Variants in AGBL4 observed in about 807,000 individuals in gnomAD.
The protein encoded by AGBL4 is AGBL carboxypeptidase 4.
Under a neutral mutation model 66.4 loss-of-function variants are expected in AGBL4, and 58 were observed. The observed-to-expected ratio is 0.87, with a 90% CI of 0.71 to 1.09. The LOEUF (loss-of-function observed/expected upper bound fraction) is 1.09. Among genes scored for constraint, AGBL4 ranks in the 50% least tolerant of loss-of-function variants. The pLI is 0.00. For synonymous variants in AGBL4, 234 were observed against 222.9 expected, an observed-to-expected ratio of 1.05 and a Z score of -0.44; for missense variants, 579 against 631.0, an observed-to-expected ratio of 0.92 and a Z score of 0.88.
At chr1:49,660,814 A>AGCTG (rs1281731707) in intron 3 of AGBL4, among the ~76,000 whole-genome samples, 2 of 152,154 alleles carry the variant, frequency 1.3e-5, no homozygotes, top group Non-Finnish European at 2.9e-5. Flanking sequence ...ACATGGATGG[A>AGCTG]GCTGGAAGCT....
intron 3 of AGBL4, among the ~76,000 whole-genome samples, chr1:49,473,124 T>A (rs561729075): frequency 1.1e-4 from 17 of 152,092 alleles, no homozygotes; most frequent in Non-Finnish European, 2.1e-4. Context: ...TGCAAATGCA[T>A]GTATTTTTTG....
intron 3 of AGBL4, among the ~76,000 whole-genome samples, chr1:49,654,043 C>A (rs146347399): frequency 1.3e-4 from 19 of 151,994 alleles, no homozygotes; most frequent in African/African-American, 7.2e-5. Flanking sequence ...AAGATCGAAA[C>A]GAAAGAAAAC....
chr1:48,682,276 A>C (rs1646467181), intron 6 of AGBL4, among the ~76,000 whole-genome samples: 1 of 152,236 alleles, frequency 6.6e-6, no homozygotes. Flanking sequence ...AGTCATACAG[A>C]GGGCCAGGGA....
chr1:49,098,455 A>G (rs887987739), intron 4 of AGBL4, among the ~76,000 whole-genome samples: 1 of 152,226 alleles, frequency 6.6e-6, no homozygotes, highest in African/African-American at 2.4e-5. Context: ...ATATGAGAAG[A>G]GATGTGATCT....
rs898593669 is a variant in AGBL4 at position 49,831,092 on chromosome 1, C to CT, written c.157+20303dup. ...CTTGGGATTGTCTTGGCTATGCAGA[C>CT]TTTTTTTTGGTTCCAAATGAAATTT... On this transcript the variant is annotated intron_variant, in intron 2 of 13. Coordinates refer to ENST00000371839, the MANE Select transcript of AGBL4 (RefSeq NM_032785.4). Among the ~76,000 whole-genome samples, 4 of 152,052 alleles carry CT rather than the reference C, an allele frequency of 2.6e-5. No individual in the cohort carries two copies. In the East Asian group the frequency reaches 5.8e-4, roughly 22 times the overall value.
At chr1:49,741,545 T>C (rs1004072131) in intron 2 of AGBL4, among the ~76,000 whole-genome samples, 1 of 152,138 alleles carries the variant, frequency 6.6e-6, no homozygotes, top group Non-Finnish European at 1.5e-5. Context: ...CCCTAACTCA[T>C]ATGATGAGGC....
At chr1:49,752,084 C>G (rs1319146379) in intron 2 of AGBL4, among the ~76,000 whole-genome samples, 1 of 151,884 alleles carries the variant, frequency 6.6e-6, no homozygotes, top group Admixed American at 6.6e-5. Context: ...TTCAGTTCTG[C>G]TCTGATCTCA....
intron 2 of AGBL4, among the ~76,000 whole-genome samples, chr1:49,826,288 T>C (rs1645508886): frequency 6.6e-6 from 1 of 152,182 alleles, no homozygotes; most frequent in African/African-American, 2.4e-5. Flanking sequence ...GTATGAGCAT[T>C]TGCTTCTAAA....
intron 1 of AGBL4, among the ~76,000 whole-genome samples, chr1:49,938,105 T>C (rs1177886055): frequency 6.7e-6 from 1 of 149,426 alleles, no homozygotes; most frequent in Non-Finnish European, 1.5e-5. Flanking sequence ...CTAGCAAGAC[T>C]AATAAAGAAG....
At chr1:49,624,366 A>C (rs977090079) in intron 3 of AGBL4, among the ~76,000 whole-genome samples, 19 of 152,200 alleles carry the variant, frequency 1.2e-4, no homozygotes, top group Admixed American at 3.3e-4. Flanking sequence ...GGATCTTAAG[A>C]AGCAAACTAA....
At chr1:48,856,489 G>A (rs577691958) in intron 6 of AGBL4, among the ~76,000 whole-genome samples, 12 of 152,114 alleles carry the variant, frequency 7.9e-5, no homozygotes, top group South Asian at 4.2e-4. Context: ...ACAGCCCCTC[G>A]GCTGTTAGAC....
chr1:49,603,575 C>T (rs993234202), intron 3 of AGBL4, among the ~76,000 whole-genome samples: 3 of 139,898 alleles, frequency 2.1e-5, no homozygotes, highest in Middle Eastern at 3.6e-3. Context: ...AATAAATAAA[C>T]AAATAAATAG....
chr1:49,850,844 T>C (rs1386526057), intron 2 of AGBL4, among the ~76,000 whole-genome samples: 4 of 152,116 alleles, frequency 2.6e-5, no homozygotes, highest in Non-Finnish European at 4.4e-5. Flanking sequence ...GCTCAGAACA[T>C]CAAGGGCTAA....
intron 6 of AGBL4, among the ~76,000 whole-genome samples, chr1:48,839,668 T>A (rs1216157997): frequency 6.6e-6 from 1 of 151,924 alleles, no homozygotes; most frequent in African/African-American, 2.4e-5. Context: ...TTGAAGGAAA[T>A]TTTTTTTAAC....
intron 4 of AGBL4, among the ~76,000 whole-genome samples, chr1:49,072,452 C>A (rs909098105): frequency 7.9e-5 from 12 of 152,174 alleles, no homozygotes; most frequent in Non-Finnish European, 1.6e-4. Flanking sequence ...GACAAAATCT[C>A]TCAGCATTTG....
At chr1:49,934,899 G>A (rs907342231) in intron 1 of AGBL4, among the ~76,000 whole-genome samples, 2 of 152,010 alleles carry the variant, frequency 1.3e-5, no homozygotes, top group Admixed American at 6.6e-5. Context: ...CTCCCAACGT[G>A]AGCGATACAG....
intron 1 of AGBL4, among the ~76,000 whole-genome samples, chr1:49,863,542 T>C (rs1263993661): frequency 2.6e-5 from 4 of 152,050 alleles, no homozygotes. Flanking sequence ...ATCTGACAAA[T>C]AATTAATAAC....
At chr1:49,219,996 A>C (rs1376793666) in intron 4 of AGBL4, among the ~76,000 whole-genome samples, 1 of 152,160 alleles carries the variant, frequency 6.6e-6, no homozygotes, top group Non-Finnish European at 1.5e-5. Context: ...GGACAGAGAT[A>C]ACCTATGTAA....
chr1:49,161,022 G>C (rs1226485952), intron 4 of AGBL4, among the ~76,000 whole-genome samples: 1 of 152,134 alleles, frequency 6.6e-6, no homozygotes, highest in Non-Finnish European at 1.5e-5. Flanking sequence ...TAGACCACTT[G>C]GCTCCCTGGC....
Sources: gnomAD v4.1 joint callset for allele counts (sites outside exome capture counted in the v4.1 genomes callset) on GRCh38, gnomAD v4.1.1 for gene constraint, MANE v1.5 for transcripts, NCBI Gene and HGNC (gene_info 2026-07-23, HGNC 2026-07-21) for gene names.